ERG: variants seen among roughly 807,000 people sequenced by gnomAD.
ERG encodes ETS transcription factor ERG, also known as transcriptional regulator ERG.
A neutral mutation model predicts 55.3 loss-of-function variants in ERG; 9 were observed. The ratio of observed to expected loss-of-function variants is 0.16; its 90% CI spans 0.10 to 0.28. The LOEUF (loss-of-function observed/expected upper bound fraction) is 0.28, where lower values mean the gene tolerates loss of function less well. Ranked by LOEUF, ERG falls within the 10% of genes least tolerant of loss-of-function variation. The pLI is 1.00. For synonymous variants in ERG, 223 were observed against 237.3 expected (o/e 0.94, Z 0.55); for missense variants, 434 against 631.6 (o/e 0.69, Z 3.35).
intron 2 of ERG, among the ~76,000 whole-genome samples, chr21:38,425,450 A>C (rs1002327420): frequency 4.6e-5 from 7 of 152,166 alleles, no homozygotes; most frequent in Non-Finnish European, 7.4e-5. Context: ...AAGAGAGAGA[A>C]AATCCAGCTT....
rs149452617 is a variant in ERG at position 38,476,396 on chromosome 21, C to T, written c.18+21967G>A. 8.0e-3 allele frequency among the ~76,000 whole-genome samples: 1,213 copies of T among 152,276 alleles called. 11 individuals carry two copies. The highest frequency in any genetic ancestry group is 0.027 in the African/African-American group (1,142 of 41,530). On this transcript the variant is annotated intron_variant, in intron 1 of 9. Coordinates refer to ENST00000288319, the MANE Select transcript of ERG (RefSeq NM_182918.4). ...TTTAGGAGCCTGGCTCTTCGTAACA[C>T]CAGCGAAACATGTTCTCCTAAAGAT...
intron 2 of ERG, among the ~76,000 whole-genome samples, chr21:38,574,782 T>C (rs981181766): frequency 1.3e-4 from 20 of 152,188 alleles, no homozygotes; most frequent in Non-Finnish European, 2.5e-4. Flanking sequence ...CCACACCACT[T>C]AGGGAAAATG....
chr21:38,371,590 T>C, the ERG span, among the ~76,000 whole-genome samples: 5 of 152,166 alleles, frequency 3.3e-5, no homozygotes, highest in African/African-American at 1.2e-4. Flanking sequence ...ATATAGATGC[T>C]TAATTTTACT....
upstream of ERG, among the ~76,000 whole-genome samples, chr21:38,501,804 T>A (rs187445057): frequency 6.6e-6 from 1 of 152,214 alleles, no homozygotes; most frequent in African/African-American, 2.4e-5. Flanking sequence ...CACAAACCCA[T>A]CCCCTGTGAA....
chr21:38,370,770 G>C, the ERG span, among the ~76,000 whole-genome samples: 1,813 of 151,876 alleles, frequency 0.012, 23 homozygotes, highest in Non-Finnish European at 0.021. Context: ...CTATTCCATT[G>C]TTGTGTCTCT....
At chr21:38,545,844 A>C (rs575670055) in intron 2 of ERG, among the ~76,000 whole-genome samples, 2 of 152,292 alleles carry the variant, frequency 1.3e-5, no homozygotes, top group Admixed American at 1.3e-4. Context: ...CCAACTCCAC[A>C]GTGTCTCATT....
exon 2 of ERG, chr21:38,575,707 C>T (rs748815568): frequency 6.2e-7 from 1 of 1,614,032 alleles, no homozygotes; most frequent in Non-Finnish European, 8.5e-7. Flanking sequence ...TCATGTCCTT[C>T]AGTAAGCCAG....
At chr21:38,448,649 A>G (rs1478127918) in intron 1 of ERG, among the ~76,000 whole-genome samples, 2 of 152,172 alleles carry the variant, frequency 1.3e-5, no homozygotes, top group African/African-American at 2.4e-5. Flanking sequence ...CATTCCCACA[A>G]CAGCGGTCAC....
At chr21:38,611,052 C>G (rs1299401641) in intron 1 of ERG, among the ~76,000 whole-genome samples, 1 of 152,178 alleles carries the variant, frequency 6.6e-6, no homozygotes, top group Non-Finnish European at 1.5e-5. Context: ...CAGAGGTAAT[C>G]CCTTCCAGGG....
intron 1 of ERG, among the ~76,000 whole-genome samples, chr21:38,581,537 T>C (rs2060028655): frequency 2.0e-5 from 3 of 151,978 alleles, no homozygotes; most frequent in East Asian, 3.9e-4. Context: ...CAAGAAAGAG[T>C]GAGTCTTGAT....
At chr21:38,614,727 CAT>C (rs758895703) in intron 1 of ERG, among the ~76,000 whole-genome samples, 9 of 152,212 alleles carry the variant, frequency 5.9e-5, no homozygotes, top group Non-Finnish European at 1.0e-4. Flanking sequence ...GACAAACACA[CAT>C]GTGGGGAGGA....
At chr21:38,505,852 T>C (rs2059456654) in intron 2 of ERG, among the ~76,000 whole-genome samples, 1 of 152,108 alleles carries the variant, frequency 6.6e-6, no homozygotes, top group Non-Finnish European at 1.5e-5. Context: ...TTGAACGGCT[T>C]GAATTGTTGT....
At chr21:38,414,326 AT>A (rs1425029282) in intron 3 of ERG, among the ~76,000 whole-genome samples, 1 of 152,186 alleles carries the variant, frequency 6.6e-6, no homozygotes, top group African/African-American at 2.4e-5. Context: ...TCTTAACTTG[AT>A]TAAATCTGCA....
intron 1 of ERG, among the ~76,000 whole-genome samples, chr21:38,464,456 A>G (rs2059070739): frequency 2.0e-5 from 3 of 152,238 alleles, no homozygotes; most frequent in Admixed American, 6.5e-5. Flanking sequence ...CATTAATACA[A>G]TTCATAATTA....
At chr21:38,407,360 T>A (rs1163350856) in intron 3 of ERG, among the ~76,000 whole-genome samples, 1 of 152,064 alleles carries the variant, frequency 6.6e-6, no homozygotes, top group African/African-American at 2.4e-5. Flanking sequence ...ATGTTCAAAG[T>A]AGATTGCATT....
intron 1 of ERG, among the ~76,000 whole-genome samples, chr21:38,597,894 G>A (rs992180204): frequency 6.6e-6 from 1 of 152,198 alleles, no homozygotes; most frequent in South Asian, 2.1e-4. Context: ...ATTACGTGAT[G>A]TAATTAACAT....
At chr21:38,469,059 A>C (rs2146616483) in intron 1 of ERG, among the ~76,000 whole-genome samples, 1 of 151,382 alleles carries the variant, frequency 6.6e-6, no homozygotes, top group African/African-American at 2.4e-5. Context: ...TTGTCCAAAA[A>C]AAAACCATAG....
At chr21:38,620,578 C>G (rs923110191) in intron 1 of ERG, among the ~76,000 whole-genome samples, 4 of 152,132 alleles carry the variant, frequency 2.6e-5, no homozygotes, top group African/African-American at 9.7e-5. Flanking sequence ...AGATTCCTAA[C>G]CAATAAAATA....
At chr21:38,396,806 G>T in intron 6 of ERG, among the ~76,000 whole-genome samples, 1 of 152,068 alleles carries the variant, frequency 6.6e-6, no homozygotes, top group Non-Finnish European at 1.5e-5. Context: ...AAAAGAAGTG[G>T]ATTCAGCAAA....
Sources: gnomAD v4.1 joint callset for allele counts (sites outside exome capture counted in the v4.1 genomes callset) on GRCh38, gnomAD v4.1.1 for gene constraint, MANE v1.5 for transcripts, NCBI Gene and HGNC (gene_info 2026-07-23, HGNC 2026-07-21) for gene names.